AKR1E2: variants seen among roughly 807,000 people sequenced by gnomAD.
AKR1E2 encodes aldo-keto reductase family 1 member E2.
Under a neutral mutation model 41.9 loss-of-function variants are expected in AKR1E2, and 43 were observed. The ratio of observed to expected loss-of-function variants is 1.03; its 90% CI spans 0.80 to 1.32. The LOEUF is 1.32. AKR1E2 is among the 40% of genes most tolerant of loss of function. The probability of loss-of-function intolerance (pLI) is 0.00; values close to 1 mark genes in which losing one functional copy is unlikely to be tolerated. For missense variants in AKR1E2, 423 were observed against 396.5 expected, an observed-to-expected ratio of 1.07 and a Z score of -0.57; for synonymous variants, 121 against 138.9, an observed-to-expected ratio of 0.87 and a Z score of 0.91.
At chr10:4,826,136 C>G (rs1224571098), upstream of AKR1E2, 4 of 428,920 alleles carry the variant, frequency 9.3e-6, no homozygotes, top group Non-Finnish European at 1.2e-5. Flanking sequence ...AGTCAGTGCC[C>G]GGCGCGCGAC....
At chr10:4,850,472 C>G (rs17133796), downstream of AKR1E2, among the ~76,000 whole-genome samples, 5,219 of 152,260 alleles carry the variant, frequency 0.034, 148 homozygotes, top group East Asian at 0.11. Context: ...GATGGCAGGG[C>G]CTCGCTGACT....
intron 3 of AKR1E2, among the ~76,000 whole-genome samples, chr10:4,834,081 C>G (rs1247273205): frequency 1.3e-5 from 2 of 152,198 alleles, no homozygotes; most frequent in African/African-American, 4.8e-5. Context: ...GGGTCCTGGC[C>G]AGGATGTCCC....
chr10:4,847,501 A>G lies in AKR1E2; in HGVS notation c.934A>G (p.Lys312Glu). The change falls in exon 10 of 10, where the codon AAA (lysine) becomes GAA (glutamate). Residue 312 changes from lysine (K) to glutamate (E), a missense_variant. Physicochemically the swap from Lys to Glu is moderately conservative, Grantham distance 56. Coordinates refer to ENST00000298375, the MANE Select transcript of AKR1E2 (RefSeq NM_001040177.3). Reference protein sequence around the residue: ...LAMFPITKNHKDYPFHIEY With the variant: ...LAMFPITKNHEDYPFHIEY ...TCTGTTTTTCAGAACTAAAAATCAC[A>G]AAGACTATCCTTTCCACATAGAATA... 6.2e-7 allele frequency: 1 copy of G among 1,613,338 alleles called. No homozygotes were observed. Among genetic ancestry groups the G allele is most frequent in the Non-Finnish European group, 8.5e-7 (1 of 1,179,812 alleles).
chr10:4,857,990 A>C, the AKR1E2 span, among the ~76,000 whole-genome samples: 1 of 152,048 alleles, frequency 6.6e-6, no homozygotes, highest in African/African-American at 2.4e-5. Flanking sequence ...TATTTTATAT[A>C]TCTCTTCTCT....
At chr10:4,830,284 G>A (rs772508880) in intron 1 of AKR1E2, among the ~76,000 whole-genome samples, 4 of 152,054 alleles carry the variant, frequency 2.6e-5, no homozygotes, top group Non-Finnish European at 5.9e-5. Flanking sequence ...ATACCTTCGT[G>A]TGAGTCTACA....
the AKR1E2 span, among the ~76,000 whole-genome samples, chr10:4,872,940 A>G: frequency 6.6e-6 from 1 of 152,150 alleles, no homozygotes; most frequent in East Asian, 1.9e-4. Flanking sequence ...GGAGTGAGCA[A>G]TCCTGCTCTA....
the AKR1E2 span, among the ~76,000 whole-genome samples, chr10:4,853,275 G>A: frequency 1.3e-5 from 2 of 152,134 alleles, no homozygotes. Context: ...CAATCAAAAT[G>A]TCTTGGCTAA....
At chr10:4,825,449 G>A (rs191858695), upstream of AKR1E2, among the ~76,000 whole-genome samples, 122 of 152,210 alleles carry the variant, frequency 8.0e-4, no homozygotes, top group Non-Finnish European at 1.4e-3. Flanking sequence ...CCACTCATAA[G>A]GGGGGTGTCC....
At chr10:4,836,731 G>T (rs2961583) in intron 4 of AKR1E2, among the ~76,000 whole-genome samples, 135,207 of 152,198 alleles carry the variant, frequency 0.89, 61,075 homozygotes, top group East Asian at 0.98. Flanking sequence ...CAATGTTTTA[G>T]GTCCTAAAAG....
chr10:4,852,784 C>T (rs552508250), downstream of AKR1E2, among the ~76,000 whole-genome samples: 25 of 152,116 alleles, frequency 1.6e-4, no homozygotes, highest in African/African-American at 4.3e-4. Context: ...TTGGCTTACA[C>T]GGCAGAAATC....
At chr10:4,825,090 C>A, upstream of AKR1E2, 1 of 447,022 alleles carries the variant, frequency 2.2e-6, no homozygotes, top group Non-Finnish European at 4.5e-6. Flanking sequence ...TATCGAAGAT[C>A]CCCCTTCCCA....
At chr10:4,863,469 A>C in the AKR1E2 span, among the ~76,000 whole-genome samples, 1 of 152,188 alleles carries the variant, frequency 6.6e-6, no homozygotes, top group African/African-American at 2.4e-5. Context: ...CAATGTGTAG[A>C]GGGAAATTTA....
At chr10:4,844,325 T>A (rs1834126275) in intron 8 of AKR1E2, among the ~76,000 whole-genome samples, 1 of 152,140 alleles carries the variant, frequency 6.6e-6, no homozygotes, top group Admixed American at 6.5e-5. Context: ...GGAGTGATGC[T>A]GCAGACCTTT....
chr10:4,828,734 G>A (rs1832738427), intron 1 of AKR1E2, among the ~76,000 whole-genome samples: 1 of 152,078 alleles, frequency 6.6e-6, no homozygotes, highest in South Asian at 2.1e-4. Context: ...TCCTGAATAT[G>A]GTTCATTTCT....
chr10:4,838,674 G>A (rs993421732), intron 5 of AKR1E2, among the ~76,000 whole-genome samples: 16 of 152,152 alleles, frequency 1.1e-4, no homozygotes, highest in African/African-American at 3.6e-4. Flanking sequence ...GCTCCCCTGG[G>A]TCCTGTTGTA....
chr10:4,827,090 A>AG (rs1554753026), intron 1 of AKR1E2, among the ~76,000 whole-genome samples: 92 of 151,446 alleles, frequency 6.1e-4, no homozygotes, highest in Non-Finnish European at 7.7e-4. Context: ...AAAAAAAAAA[A>AG]AAAGAAAAAA....
At chr10:4,867,237 A>T in the AKR1E2 span, among the ~76,000 whole-genome samples, 1 of 152,198 alleles carries the variant, frequency 6.6e-6, no homozygotes, top group Non-Finnish European at 1.5e-5. Flanking sequence ...ATAATTTTGC[A>T]AAGGTGGATT....
chr10:4,859,708 C>T, the AKR1E2 span, among the ~76,000 whole-genome samples: 1 of 152,228 alleles, frequency 6.6e-6, no homozygotes, highest in Admixed American at 6.5e-5. Flanking sequence ...GGTCAGATCT[C>T]TCTTTAGATA....
chr10:4,853,001 A>G (rs2131584040), downstream of AKR1E2, among the ~76,000 whole-genome samples: 1 of 152,328 alleles, frequency 6.6e-6, no homozygotes, highest in South Asian at 2.1e-4. Flanking sequence ...AACATTTAGG[A>G]AACCTCAGGA....
Sources: gnomAD v4.1 joint callset for allele counts (sites outside exome capture counted in the v4.1 genomes callset) on GRCh38, gnomAD v4.1.1 for gene constraint, MANE v1.5 for transcripts, NCBI Gene and HGNC (gene_info 2026-07-23, HGNC 2026-07-21) for gene names.